The following RBM25 variants were observed in gnomAD, a reference collection of about 807,000 sequenced individuals.
RBM25 encodes the protein RNA-binding protein 25.
RBM25 carries 19 observed loss-of-function variants against 120.7 expected under a neutral mutation model. That is an observed-to-expected ratio of 0.16 (90% CI 0.11 to 0.23). The LOEUF (loss-of-function observed/expected upper bound fraction) is 0.23, where lower values mean the gene tolerates loss of function less well. Among genes scored for constraint, RBM25 ranks in the 10% least tolerant of loss-of-function variants. The pLI, the probability that RBM25 is intolerant of heterozygous loss-of-function variation, is 1.00. For missense variants in RBM25, 605 were observed against 1,041.5 expected (o/e 0.58, Z 5.77); for synonymous variants, 390 against 326.7 (o/e 1.19, Z -2.09).
In RBM25 at chr14:73,061,077, AGATGGAGTCTC is replaced by A. The variant is rs1894993710; in HGVS notation, c.-16+2374_-16+2384del. On this transcript the variant is annotated intron_variant, in intron 1 of 18. Transcript: ENST00000261973. Reference sequence around the variant, plus strand: ...ACTTTTTTTTTTTTTTCCTTTTTGGAGATGGAGTCTCGCTCTGTCACCCAGGCTGGAGTGTA... The same window carrying A: ...ACTTTTTTTTTTTTTTCCTTTTTGGAGCTCTGTCACCCAGGCTGGAGTGTA... 1.4e-5 allele frequency among the ~76,000 whole-genome samples: 2 copies of A among 142,938 alleles called. 1 individual carries two copies. Among genetic ancestry groups the A allele is most frequent in the African/African-American group, 5.2e-5 (2 of 38,684 alleles). The allele number at this position is 142,938 out of a possible 152,430, so 93.8% of individuals were successfully genotyped here. A position where few individuals can be genotyped will look rare whatever the true frequency, so the allele number is the denominator to read the frequency against.
At chr14:73,092,818 C>T (rs747219917) in intron 6 of RBM25, among the ~76,000 whole-genome samples, 36 of 152,220 alleles carry the variant, frequency 2.4e-4, no homozygotes, top group East Asian at 3.9e-4. Flanking sequence ...TCTCCTGCTT[C>T]GGCCTCCCAA....
At chr14:73,097,194 T>TTA in intron 7 of RBM25, 94 bp downstream of exon 7, 17 of 416,080 alleles carry the variant, frequency 4.1e-5, no homozygotes, top group Admixed American at 9.8e-5. Flanking sequence ...CTTTTTTCTT[T>TTA]TCTTTTTTTT....
chr14:73,112,082 T>C, intron 16 of RBM25, 70 bp from the exon 17 acceptor site: 1 of 1,387,982 alleles, frequency 7.2e-7, no homozygotes, highest in East Asian at 2.4e-5. Context: ...TCAGGAAAAA[T>C]CATGAAGCTT....
At chr14:73,103,964 A>G (rs1407816459) in intron 10 of RBM25, among the ~76,000 whole-genome samples, 1 of 128,972 alleles carries the variant, frequency 7.8e-6, no homozygotes, top group East Asian at 2.2e-4. Flanking sequence ...ACACACACAC[A>G]CACACACACA....
At chr14:73,089,574 C>T (rs374108631) in intron 6 of RBM25, among the ~76,000 whole-genome samples, 2 of 152,030 alleles carry the variant, frequency 1.3e-5, no homozygotes, top group Admixed American at 6.6e-5. Flanking sequence ...AGGCTGGTCT[C>T]GAACTCCTGA....
chr14:73,067,593 T>G (rs923005003), intron 1 of RBM25, among the ~76,000 whole-genome samples: 1 of 150,892 alleles, frequency 6.6e-6, no homozygotes, highest in African/African-American at 2.4e-5. Context: ...TTTTCATGTT[T>G]TATTGCCTGT....
intron 1 of RBM25, among the ~76,000 whole-genome samples, chr14:73,067,570 A>G (rs1001753855): frequency 2.0e-5 from 3 of 149,318 alleles, no homozygotes; most frequent in Non-Finnish European, 3.0e-5. Context: ...ACGCCTGGAT[A>G]ATTTTTGTAT....
intron 1 of RBM25, among the ~76,000 whole-genome samples, chr14:73,063,848 A>G (rs570495846): frequency 6.6e-6 from 1 of 151,380 alleles, no homozygotes; most frequent in African/African-American, 2.4e-5. Context: ...TAAAACTAAA[A>G]TGTTTATTTA....
chr14:73,103,297 C>T lies in RBM25; in HGVS notation c.973C>T (p.Arg325Trp), dbSNP rs1430524307. 7 of 1,582,838 alleles carry T rather than the reference C, an allele frequency of 4.4e-6. No homozygotes were observed. The highest frequency in any genetic ancestry group is 2.3e-5 in the South Asian group (2 of 88,078). Residue 325 changes from arginine to tryptophan, a missense_variant, in exon 10 of 19, where the codon CGG becomes TGG. Transcript: ENST00000261973. ...ERERERERRERERERERERER... is the reference protein window; with the variant it reads ...ERERERERREWERERERERER... ...TGAAAGGGAACGAGAAAGGCGAGAA[C>T]GGGAACGAGAAAGGGAAAGAGAACG...
At chr14:73,082,907 T>TAAA (rs34875952) in intron 4 of RBM25, among the ~76,000 whole-genome samples, 1 of 137,810 alleles carries the variant, frequency 7.3e-6, no homozygotes, top group African/African-American at 2.7e-5. Flanking sequence ...TAAAAATAAA[T>TAAA]AAAAAAAAAA....
At chr14:73,066,698 T>G (rs968191813) in intron 1 of RBM25, among the ~76,000 whole-genome samples, 5 of 152,090 alleles carry the variant, frequency 3.3e-5, no homozygotes, top group African/African-American at 9.7e-5. Flanking sequence ...CTATAAAGTT[T>G]TCTAAATATT....
intron 2 of RBM25, among the ~76,000 whole-genome samples, chr14:73,073,165 G>A (rs934239184): frequency 3.3e-5 from 5 of 152,082 alleles, no homozygotes; most frequent in African/African-American, 9.7e-5. Flanking sequence ...CTGGGGTCAA[G>A]GTATACTCCT....
At chr14:73,068,118 A>G (rs1895186047) in intron 1 of RBM25, 2 of 744,126 alleles carry the variant, frequency 2.7e-6, no homozygotes, top group Non-Finnish European at 4.5e-6. Context: ...TCGTTCACAG[A>G]CAGAACTGGA....
chr14:73,103,596 C>T, intron 10 of RBM25, 118 bp downstream of exon 10: 4 of 1,397,686 alleles, frequency 2.9e-6, no homozygotes, highest in East Asian at 4.9e-5. Context: ...GAGACATTCT[C>T]ACTCTGTCAC....
At chr14:73,109,308 A>G in intron 13 of RBM25, 34 bp from the exon 14 acceptor site, 1 of 1,596,992 alleles carries the variant, frequency 6.3e-7, no homozygotes, top group Non-Finnish European at 8.5e-7. Flanking sequence ...TGATCGGAGT[A>G]TTAAATGAAG....
chr14:73,120,104 T>A lies in RBM25; in HGVS notation c.*299T>A. The A allele has an allele frequency of 1.4e-5, 3 of 212,086 alleles. No homozygotes were observed. The highest frequency in any genetic ancestry group is 1.8e-5 in the Non-Finnish European group (2 of 108,816). The allele number at this position is 212,086 out of a possible 1,614,324, so 13.1% of individuals were successfully genotyped here. The stretch of plus-strand genomic sequence containing the variant: ...TCTTGTTCTGCTGATTTGTTTCTTG[T>A]AAATATTAAAACGACTCCCCAATTA... On this transcript the variant is annotated 3_prime_UTR_variant, in exon 19 of 19. Coordinates refer to ENST00000261973, the MANE Select transcript of RBM25 (RefSeq NM_021239.3).
chr14:73,097,127 T>C, intron 7 of RBM25, 27 bp downstream of exon 7: 1 of 1,534,410 alleles, frequency 6.5e-7, no homozygotes, highest in African/African-American at 1.4e-5. Flanking sequence ...CAACATATCA[T>C]TTCTACCGTT....
intron 2 of RBM25, among the ~76,000 whole-genome samples, chr14:73,075,528 C>T (rs184588239): frequency 3.4e-4 from 52 of 152,276 alleles, no homozygotes; most frequent in African/African-American, 1.2e-3. Flanking sequence ...ATAAATTTCT[C>T]ATCTCATGCT....
chr14:73,066,615 C>T (rs561993592), intron 1 of RBM25, among the ~76,000 whole-genome samples: 1 of 143,510 alleles, frequency 7.0e-6, no homozygotes, highest in East Asian at 2.0e-4. Flanking sequence ...GGTGCCTCTG[C>T]ACTCCTGGGT....
Sources: allele counts gnomAD v4.1 joint callset (sites outside exome capture counted in the v4.1 genomes callset), GRCh38; gene constraint gnomAD v4.1.1; transcripts MANE v1.5; gene names NCBI Gene and HGNC (gene_info 2026-07-23, HGNC 2026-07-21).